Variants in CNNM2 observed in about 807,000 individuals in gnomAD.
CNNM2 encodes cyclin and CBS domain divalent metal cation transport mediator 2.
A neutral mutation model predicts 66.9 loss-of-function variants in CNNM2; 12 were observed. That is an observed-to-expected ratio of 0.18 (90% CI 0.11 to 0.29). CNNM2 has a LOEUF of 0.29. Among genes scored for constraint, CNNM2 ranks in the 10% least tolerant of loss-of-function variants. CNNM2 has a pLI of 1.00. For missense variants in CNNM2, 705 were observed against 1,167.7 expected (o/e 0.60, Z 5.77); for synonymous variants, 557 against 501.8 (o/e 1.11, Z -1.47).
intron 1 of CNNM2, among the ~76,000 whole-genome samples, chr10:102,990,163 A>G (rs2063873785): frequency 6.6e-6 from 1 of 151,966 alleles, no homozygotes; most frequent in Admixed American, 6.6e-5. Flanking sequence ...ATAGGGTTTC[A>G]TTATGTTGGC....
At chr10:103,034,952 G>A (rs371960917) in intron 1 of CNNM2, among the ~76,000 whole-genome samples, 6 of 122,580 alleles carry the variant, frequency 4.9e-5, no homozygotes, top group African/African-American at 9.4e-5. Flanking sequence ...CGGCCTGGGC[G>A]ACAGAGCGAG....
rs200419339 is a variant in CNNM2, at chr10:103,056,926, C to T, written c.2035C>T (p.Arg679Cys). 34 of 1,613,334 alleles carry T rather than the reference C, an allele frequency of 2.1e-5. No homozygotes were observed. Among genetic ancestry groups the T allele is most frequent in the African/African-American group, 1.3e-4 (10 of 74,868 alleles). ...AGCCCCCGAATACTACCTCTACCAG[C>T]GCAACAAGCCAGTAGACTACTTCGT... Reference protein sequence around the residue: ...KKAPEYYLYQRNKPVDYFVLI... With the variant: ...KKAPEYYLYQCNKPVDYFVLI... Residue 679 changes from arginine to cysteine, a missense_variant, in exon 4 of 8, where the codon CGC becomes TGC. Physicochemically the swap from Arg to Cys is radical, Grantham distance 180 (BLOSUM62 -3). Transcript: ENST00000369878.
Position 103,087,012 on chromosome 10 carries a change from G to C in CNNM2, c.*9832G>C, listed in dbSNP as rs989893708. On this transcript the variant is annotated 3_prime_UTR_variant, in exon 8 of 8. Coordinates refer to ENST00000369878, the MANE Select transcript of CNNM2 (RefSeq NM_017649.5). ...GTCAGTACATGCTGTAAGGTTGGGA[G>C]TTCAGTCTAGCAACCAAGAAGGGGT... The C allele has an allele frequency of 2.0e-5, 3 of 152,250 alleles. No homozygotes were observed. Among genetic ancestry groups the C allele is most frequent in the African/African-American group, 7.2e-5 (3 of 41,532 alleles). 9.4% of individuals were successfully genotyped at this position (152,250 alleles called of 1,614,324 possible). A position where few individuals can be genotyped will look rare whatever the true frequency, so the allele number is the denominator to read the frequency against.
chr10:102,977,872 G>C (rs1454240258), intron 1 of CNNM2, among the ~76,000 whole-genome samples: 2 of 152,138 alleles, frequency 1.3e-5, no homozygotes, highest in Non-Finnish European at 2.9e-5. Flanking sequence ...AGAATCTCCA[G>C]ACCATTCCTT....
intron 1 of CNNM2, among the ~76,000 whole-genome samples, chr10:102,966,967 A>G (rs2063473436): frequency 6.6e-6 from 1 of 152,162 alleles, no homozygotes; most frequent in Non-Finnish European, 1.5e-5. Flanking sequence ...GCAGAGAGCT[A>G]TGAGCAATCT....
chr10:103,003,137 G>T (rs2064155481), intron 1 of CNNM2, among the ~76,000 whole-genome samples: 1 of 148,512 alleles, frequency 6.7e-6, no homozygotes, highest in Non-Finnish European at 1.5e-5. Context: ...TTTTTAATAG[G>T]AGTCTCACTC....
At chr10:103,061,720 G>T (rs550219425) in intron 4 of CNNM2, among the ~76,000 whole-genome samples, 1 of 152,300 alleles carries the variant, frequency 6.6e-6, no homozygotes, top group South Asian at 2.1e-4. Context: ...CATTGATGTA[G>T]AATTTCTAAA....
At position 102,977,098 on chromosome 10, in the gene CNNM2, A is replaced by G. The variant is rs72847291; in HGVS notation, c.1621+56997A>G. Among the ~76,000 whole-genome samples the G allele has an allele frequency of 0.038, 5,734 of 152,278 alleles. 150 individuals are homozygous for G. Among genetic ancestry groups the G allele is most frequent in the Non-Finnish European group, 0.056 (3,833 of 68,002 alleles). On this transcript the variant is annotated intron_variant, in intron 1 of 7. Transcript: ENST00000369878. ...TTTTAGAAAAGACATTAACATCTGTAAAACTGATTGTCCTAAAGAGCTATT... is the reference window on the plus strand; with the variant it reads ...TTTTAGAAAAGACATTAACATCTGTGAAACTGATTGTCCTAAAGAGCTATT...
Position 102,918,447 on chromosome 10 carries a change from G to A in CNNM2, c.-34G>A. On this transcript the variant is annotated 5_prime_UTR_variant, in exon 1 of 8. Transcript: ENST00000369878. This position sits in a 1 kb window ranked among gnomAD's most constrained non-coding sequence, Gnocchi z 4.1. ...GTACCTGCGCTCGCGCCGCCGGGTT[G>A]AAAGGATGAAGCCGCAGCTGGAGCA... 1 of 1,589,404 alleles carries A rather than the reference G, an allele frequency of 6.3e-7. No homozygotes were observed.
At chr10:102,920,398 G>A (rs1250238806) in intron 1 of CNNM2, among the ~76,000 whole-genome samples, 1 of 150,552 alleles carries the variant, frequency 6.6e-6, no homozygotes. Flanking sequence ...TTGGTCCCGT[G>A]TGTGGGCCTC....
At position 102,934,283 on chromosome 10, in the gene CNNM2, T is replaced by C. The variant is rs1183593088; in HGVS notation, c.1621+14182T>C. Among the ~76,000 whole-genome samples the C allele has an allele frequency of 4.7e-5, 7 of 150,050 alleles. No individual in the cohort carries two copies. The South Asian group carries it at 1.5e-3, about 31-fold the overall frequency. ...TATTTCTTTCTTTCTTTCTTTCTTT[T>C]TTTTTTTTTGAGACAGAGCCTTGCT... On this transcript the variant is annotated intron_variant, in intron 1 of 7. Coordinates refer to ENST00000369878, the MANE Select transcript of CNNM2 (RefSeq NM_017649.5).
rs1281675556 is a variant in CNNM2 at position 102,946,581 on chromosome 10, C to CAA, written c.1621+26480_1621+26481insAA. On this transcript the variant is annotated intron_variant, in intron 1 of 7. Coordinates refer to ENST00000369878, the MANE Select transcript of CNNM2 (RefSeq NM_017649.5). ...ATCAAAGTATTGTTTTTTTAAAGATCTATTCTTCCCTGCTTGTGCAACTCC... is the reference window on the plus strand; with the variant it reads ...ATCAAAGTATTGTTTTTTTAAAGATCAATATTCTTCCCTGCTTGTGCAACTCC... Among the ~76,000 whole-genome samples the CAA allele has an allele frequency of 2.5e-3, 378 of 152,110 alleles. 2 individuals carry two copies. The highest frequency in any genetic ancestry group is 8.8e-3 in the African/African-American group (367 of 41,486).
At chr10:103,001,600 T>G (rs959561901) in intron 1 of CNNM2, among the ~76,000 whole-genome samples, 1 of 152,166 alleles carries the variant, frequency 6.6e-6, no homozygotes, top group Non-Finnish European at 1.5e-5. Context: ...CAAAACAGTG[T>G]GCTGAGACAA....
chr10:102,930,696 G>A (rs989147503), intron 1 of CNNM2, among the ~76,000 whole-genome samples: 23 of 152,088 alleles, frequency 1.5e-4, no homozygotes, highest in Non-Finnish European at 3.1e-4. Context: ...ATACCTCTTT[G>A]CAGTCACTTC....
intron 5 of CNNM2, among the ~76,000 whole-genome samples, chr10:103,068,983 G>A (rs1405472481): frequency 6.6e-6 from 1 of 152,108 alleles, no homozygotes; most frequent in South Asian, 2.1e-4. Context: ...CTCCCATCAC[G>A]CTCCCTTTTA....
chr10:103,001,682 A>G (rs1045863388), intron 1 of CNNM2, among the ~76,000 whole-genome samples: 7 of 152,186 alleles, frequency 4.6e-5, no homozygotes, highest in East Asian at 1.9e-4. Context: ...AACTAAAAAT[A>G]TATCAGAGAC....
In CNNM2 at chr10:103,089,562, T is replaced by G. The variant is rs901825412; in HGVS notation, c.*12382T>G. On this transcript the variant is annotated 3_prime_UTR_variant, in exon 8 of 8. Coordinates refer to ENST00000369878, the MANE Select transcript of CNNM2 (RefSeq NM_017649.5). ...TTCAGAAACTTTTCAGACGTACCTT[T>G]CATGGAGCCCCCTCCCTCCCCCGAG... The G allele has an allele frequency of 1.3e-5, 19 of 1,423,900 alleles. No homozygotes were observed. Among genetic ancestry groups the G allele is most frequent in the Admixed American group, 3.2e-5 (1 of 31,512 alleles). 88.2% of individuals were successfully genotyped at this position (1,423,900 alleles called of 1,614,324 possible).
rs1465437097 is a variant in CNNM2 at position 103,036,545 on chromosome 10, TC to T, written c.1622-13160del. Among the ~76,000 whole-genome samples, 3 of 152,292 alleles carry T rather than the reference TC, an allele frequency of 2.0e-5. No homozygotes were observed. The East Asian group carries it at 5.8e-4, about 29-fold the overall frequency. ...CAAAGAGGAGCTGCCTGGAAAATCA[TC>T]CTGCCACAGGTGTGCCTCTGCAGAC... On this transcript the variant is annotated intron_variant, in intron 1 of 7. Coordinates refer to ENST00000369878, the MANE Select transcript of CNNM2 (RefSeq NM_017649.5).
At chr10:103,061,395 A>AAAG (rs1179206136) in intron 4 of CNNM2, among the ~76,000 whole-genome samples, 1 of 152,158 alleles carries the variant, frequency 6.6e-6, no homozygotes, top group Non-Finnish European at 1.5e-5. Context: ...TGTCTCAAAA[A>AAAG]AATATATATA....
Sources: allele counts gnomAD v4.1 joint callset (sites outside exome capture counted in the v4.1 genomes callset), GRCh38; gene constraint gnomAD v4.1.1; non-coding constraint Gnocchi (gnomAD v3.1); transcripts MANE v1.5; gene names NCBI Gene and HGNC (gene_info 2026-07-23, HGNC 2026-07-21).